Variants in EDARADD observed in about 807,000 individuals in gnomAD.
EDARADD encodes the protein EDAR associated via death domain, also known as ectodysplasin-A receptor-associated adapter protein.
EDARADD carries 20 observed loss-of-function variants against 25.6 expected under a neutral mutation model. The observed-to-expected ratio is 0.78, with a 90% CI of 0.55 to 1.14. EDARADD has a LOEUF of 1.14. EDARADD is among the 50% of genes most tolerant of loss of function. The pLI, the probability that EDARADD is intolerant of heterozygous loss-of-function variation, is 0.00. For synonymous variants in EDARADD, 86 were observed against 94.4 expected, an observed-to-expected ratio of 0.91 and a Z score of 0.52; for missense variants, 225 against 270.1, an observed-to-expected ratio of 0.83 and a Z score of 1.17.
chr1:236,384,699 A>G (rs1460545374), intron 3 of EDARADD, among the ~76,000 whole-genome samples: 1 of 151,916 alleles, frequency 6.6e-6, no homozygotes, highest in Non-Finnish European at 1.5e-5. Flanking sequence ...AATTATTATT[A>G]TTATTATTTT....
In EDARADD at chr1:236,400,259, C is replaced by A. The variant is rs1002551982; in HGVS notation, c.61+5754C>A. Among the ~76,000 whole-genome samples, 3 of 152,252 alleles carry A rather than the reference C, an allele frequency of 2.0e-5. No individual in the cohort carries two copies. The South Asian group carries it at 6.2e-4, about 32-fold the overall frequency. On this transcript the variant is annotated intron_variant, in intron 1 of 5. Coordinates refer to ENST00000334232, the MANE Select transcript of EDARADD (RefSeq NM_145861.4). ...TGAGCTTTATCTCTTTGTTTGCTGT[C>A]TTCCCTCATCCTCCCCTGCCCTCTT... is the stretch of plus-strand genomic sequence containing the variant.
intron 3 of EDARADD, among the ~76,000 whole-genome samples, chr1:236,365,584 G>A (rs1403212058): frequency 6.6e-6 from 1 of 152,132 alleles, no homozygotes; most frequent in Admixed American, 6.6e-5. Context: ...TGAGATTATA[G>A]GAATGAGCCA....
intron 5 of EDARADD, among the ~76,000 whole-genome samples, chr1:236,474,666 T>C (rs1659453647): frequency 6.6e-6 from 1 of 152,208 alleles, no homozygotes; most frequent in South Asian, 2.1e-4. Context: ...TAATAGAAGT[T>C]CCCTCTTTAG....
chr1:236,462,637 G>A (rs1437633021), intron 4 of EDARADD, among the ~76,000 whole-genome samples: 3 of 152,142 alleles, frequency 2.0e-5, no homozygotes, highest in African/African-American at 7.2e-5. Flanking sequence ...CTGTTCCTTA[G>A]TACCCAGAGC....
chr1:236,377,842 G>A (rs1020165381), intron 3 of EDARADD, among the ~76,000 whole-genome samples: 2 of 151,494 alleles, frequency 1.3e-5, no homozygotes, highest in African/African-American at 4.8e-5. Context: ...TCACGACAGA[G>A]TGAGACTCCA....
intron 4 of EDARADD, among the ~76,000 whole-genome samples, chr1:236,458,995 G>C (rs894782418): frequency 6.6e-6 from 1 of 152,122 alleles, no homozygotes; most frequent in Non-Finnish European, 1.5e-5. Context: ...CAAAACTTTA[G>C]ATGGTATTTA....
rs542081919 is a variant in EDARADD, at chr1:236,435,386, G to A, written c.219+7936G>A. Among the ~76,000 whole-genome samples the A allele has an allele frequency of 3.9e-5, 6 of 152,132 alleles. No individual in the cohort carries two copies. The East Asian group carries it at 7.7e-4, about 20-fold the overall frequency. Reference sequence around the variant, plus strand: ...CATTGATTAGGCTATGCCCCTTGAGGGCAGGGACTCCTGTGTCTTTTTGCT... The same window carrying A: ...CATTGATTAGGCTATGCCCCTTGAGAGCAGGGACTCCTGTGTCTTTTTGCT... On this transcript the variant is annotated intron_variant, in intron 4 of 5. Transcript: ENST00000334232.
intron 4 of EDARADD, among the ~76,000 whole-genome samples, chr1:236,450,631 C>T (rs1658686402): frequency 6.7e-6 from 1 of 149,222 alleles, no homozygotes; most frequent in African/African-American, 2.5e-5. Flanking sequence ...TCACTGCAAC[C>T]TCCGTCTCCC....
chr1:236,417,049 G>A (rs1657656609), intron 3 of EDARADD, among the ~76,000 whole-genome samples: 1 of 152,130 alleles, frequency 6.6e-6, no homozygotes, highest in Non-Finnish European at 1.5e-5. Flanking sequence ...GGGAGGTTGA[G>A]GCTGCAGTGA....
chr1:236,416,921 GGGCAACAT>G (rs1222572881), intron 3 of EDARADD, among the ~76,000 whole-genome samples: 1 of 152,098 alleles, frequency 6.6e-6, no homozygotes, highest in African/African-American at 2.4e-5. Flanking sequence ...AGACCAGCCT[GGGCAACAT>G]GGCGAAACCC....
At chr1:236,417,976 C>G (rs923220184) in intron 3 of EDARADD, among the ~76,000 whole-genome samples, 1 of 118,462 alleles carries the variant, frequency 8.4e-6, no homozygotes, top group Admixed American at 9.0e-5. Context: ...TTTTTTGAGA[C>G]GGATTCTCGC....
At chr1:236,472,268 T>C (rs1438032613) in intron 5 of EDARADD, among the ~76,000 whole-genome samples, 1 of 152,098 alleles carries the variant, frequency 6.6e-6, no homozygotes, top group Admixed American at 6.6e-5. Context: ...AAATCTAATT[T>C]TGGCAGGCGC....
At chr1:236,463,594 T>C (rs1659098926) in intron 4 of EDARADD, among the ~76,000 whole-genome samples, 1 of 152,218 alleles carries the variant, frequency 6.6e-6, no homozygotes, top group South Asian at 2.1e-4. Flanking sequence ...CCGGGCCCAT[T>C]TTAACCACTT....
At chr1:236,425,067 G>T (rs1431500772) in intron 3 of EDARADD, among the ~76,000 whole-genome samples, 13 of 152,162 alleles carry the variant, frequency 8.5e-5, no homozygotes, top group African/African-American at 3.1e-4. Context: ...TTCCTCCAGG[G>T]AATACCAGTC....
chr1:236,469,243 G>A (rs1366932175), intron 5 of EDARADD, among the ~76,000 whole-genome samples: 1 of 152,164 alleles, frequency 6.6e-6, no homozygotes, highest in Non-Finnish European at 1.5e-5. Flanking sequence ...GGAGGCCAAG[G>A]TGGGCAGATC....
intron 1 of EDARADD, among the ~76,000 whole-genome samples, chr1:236,400,720 ATTT>A (rs55864840): frequency 1.7e-5 from 2 of 121,180 alleles, no homozygotes; most frequent in Admixed American, 9.0e-5. Flanking sequence ...ACACCCGGCT[ATTT>A]TTTTTTTTTT....
At chr1:236,453,278 CTTTTT>C (rs71672500) in intron 4 of EDARADD, among the ~76,000 whole-genome samples, 1 of 133,880 alleles carries the variant, frequency 7.5e-6, no homozygotes. Flanking sequence ...TTCTTTTTTT[CTTTTT>C]TTTTTTTTTT....
intron 1 of EDARADD, among the ~76,000 whole-genome samples, chr1:236,394,997 C>G (rs1220590324): frequency 6.6e-6 from 1 of 152,192 alleles, no homozygotes. Flanking sequence ...AAAGAAAAAT[C>G]AAAATAGAAA....
intron 4 of EDARADD, among the ~76,000 whole-genome samples, chr1:236,453,104 C>A (rs1658757643): frequency 6.6e-6 from 1 of 152,112 alleles, no homozygotes; most frequent in Non-Finnish European, 1.5e-5. Flanking sequence ...TTCCACTAAG[C>A]AACCCAGAGG....
Sources: gnomAD v4.1 joint callset for allele counts (sites outside exome capture counted in the v4.1 genomes callset) on GRCh38, gnomAD v4.1.1 for gene constraint, MANE v1.5 for transcripts, NCBI Gene and HGNC (gene_info 2026-07-23, HGNC 2026-07-21) for gene names.